The following ANKRD36 variants were observed in gnomAD, a reference collection of about 807,000 sequenced individuals.
ANKRD36 encodes the protein ankyrin repeat domain-containing protein 36A.
ANKRD36 carries 179 observed loss-of-function variants against 278.1 expected under a neutral mutation model. That is an observed-to-expected ratio of 0.64 (90% CI 0.57 to 0.73). The LOEUF is 0.73. Ranked by LOEUF, ANKRD36 falls within the 30% of genes least tolerant of loss-of-function variation. The pLI is 0.00. For missense variants in ANKRD36, 1,159 were observed against 1,956.7 expected (o/e 0.59, Z 7.69); for synonymous variants, 320 against 641.1 (o/e 0.50, Z 7.57).
rs1233115373 is a variant in ANKRD36, at chr2:97,164,187, G to A, written c.1430-96G>A. ...TAATGGGTAACAATTTCAAGGGCAAGCACGAAGATTTCAGCTGGATACAAA... is the reference window on the plus strand; with the variant it reads ...TAATGGGTAACAATTTCAAGGGCAAACACGAAGATTTCAGCTGGATACAAA... On this transcript the variant is annotated intron_variant, in intron 18 of 75. Coordinates refer to ENST00000420699, the MANE Select transcript of ANKRD36 (RefSeq NM_001354587.1). The A allele has an allele frequency of 7.4e-6, 11 of 1,491,880 alleles. No homozygotes were observed. In the East Asian group the frequency reaches 2.7e-4, roughly 37 times the overall value. The allele number at this position is 1,491,880 out of a possible 1,614,324, so 92.4% of individuals were successfully genotyped here. A position where few individuals can be genotyped will look rare whatever the true frequency, so the allele number is the denominator to read the frequency against.
chr2:97,149,207 G>T lies in ANKRD36; in HGVS notation c.1035-88G>T, dbSNP rs546152945. On this transcript the variant is annotated intron_variant, in intron 11 of 75. Transcript: ENST00000420699. ...CAGACTTTGTTTTACCATTTTTTTG[G>T]AGTGGACATACGTGTATAGACTGAC... 356 of 1,032,276 alleles carry T rather than the reference G, an allele frequency of 3.4e-4. 3 individuals carry two copies. Among genetic ancestry groups the T allele is most frequent in the African/African-American group, 8.0e-5 (5 of 62,884 alleles). The allele number at this position is 1,032,276 out of a possible 1,614,324, so 63.9% of individuals were successfully genotyped here. A position where few individuals can be genotyped will look rare whatever the true frequency, so the allele number is the denominator to read the frequency against.
chr2:97,203,961 C>A, intron 48 of ANKRD36, 107 bp from the exon 49 acceptor site: 4 of 1,486,522 alleles, frequency 2.7e-6, no homozygotes, highest in Non-Finnish European at 3.6e-6. Context: ...TCAAAGCATA[C>A]GCTAATACAG....
At chr2:97,203,954 A>G (rs1454997528) in intron 48 of ANKRD36, 114 bp from the exon 49 acceptor site, 6 of 1,469,994 alleles carry the variant, frequency 4.1e-6, no homozygotes, top group Non-Finnish European at 5.5e-6. Context: ...GAAGCCATCA[A>G]AGCATACGCT....
At chr2:97,183,358 T>C (rs2056700709) in intron 26 of ANKRD36, 101 bp from the exon 27 acceptor site, 1 of 1,362,026 alleles carries the variant, frequency 7.3e-7, no homozygotes, top group Non-Finnish European at 9.9e-7. Flanking sequence ...CCTACACTAG[T>C]GCAGGCAGGA....
chr2:97,179,968 A>G (rs767616275), intron 24 of ANKRD36, 35 bp downstream of exon 24: 7 of 1,601,902 alleles, frequency 4.4e-6, no homozygotes, highest in Non-Finnish European at 3.4e-6. Flanking sequence ...GTCATGTTCA[A>G]TCAAGATGGA....
intron 68 of ANKRD36, among the ~76,000 whole-genome samples, chr2:97,240,982 G>GTTTTTTTTTTTTTTTTTTTTTTTT (rs763385352): frequency 1.9e-5 from 1 of 52,986 alleles, no homozygotes; most frequent in Non-Finnish European, 3.2e-5. Flanking sequence ...ACATAACTAT[G>GTTTTTTTTTTTTTTTTTTTTTTTT]TTTTTTTTTT....
intron 36 of ANKRD36, 24 bp from the exon 37 acceptor site, chr2:97,192,834 T>C (rs762165779): frequency 2.9e-5 from 46 of 1,596,962 alleles, no homozygotes; most frequent in Middle Eastern, 4.5e-4. Context: ...ATATGAGTGA[T>C]TATGTATCCC....
intron 1 of ANKRD36, among the ~76,000 whole-genome samples, chr2:97,114,175 G>A (rs2034494341): frequency 9.8e-6 from 1 of 102,530 alleles, no homozygotes; most frequent in Non-Finnish European, 2.0e-5. Flanking sequence ...TGCATGGGGT[G>A]GGGGCGTGAA....
At chr2:97,164,144 G>A (rs1179967160) in intron 18 of ANKRD36, 139 bp from the exon 19 acceptor site, 60 of 1,481,148 alleles carry the variant, frequency 4.1e-5, no homozygotes, top group Non-Finnish European at 5.1e-5. Flanking sequence ...CAAAACAAGA[G>A]CAAAGCAACC....
intron 52 of ANKRD36, 75 bp from the exon 53 acceptor site, chr2:97,207,736 C>G (rs1359019698): frequency 8.4e-6 from 13 of 1,539,540 alleles, no homozygotes; most frequent in Non-Finnish European, 1.1e-5. Flanking sequence ...GAGGTTGATG[C>G]TAACACTGTA....
intron 67 of ANKRD36, among the ~76,000 whole-genome samples, chr2:97,227,327 G>A (rs1260769111): frequency 6.6e-6 from 1 of 152,092 alleles, no homozygotes; most frequent in Non-Finnish European, 1.5e-5. Flanking sequence ...AGTTCTCCTT[G>A]AAGAGGTCCT....
chr2:97,182,777 T>C (rs1483596657), intron 26 of ANKRD36, among the ~76,000 whole-genome samples: 3 of 151,562 alleles, frequency 2.0e-5, no homozygotes, highest in Non-Finnish European at 2.9e-5. Context: ...TTTGATAAGG[T>C]TTATGTATTA....
At chr2:97,213,245 C>G (rs1318960993) in intron 58 of ANKRD36, 174 bp from the exon 59 acceptor site, 1 of 237,472 alleles carries the variant, frequency 4.2e-6, no homozygotes, top group African/African-American at 2.7e-5. Context: ...AGCCTGTATT[C>G]ACCTTTTTCA....
chr2:97,241,001 T>G (rs1344945495), intron 68 of ANKRD36, among the ~76,000 whole-genome samples: 4 of 145,056 alleles, frequency 2.8e-5, no homozygotes, highest in Non-Finnish European at 6.0e-5. Flanking sequence ...TTTTTTTTTT[T>G]TTTTTTTTTT....
Position 97,206,092 on chromosome 2 carries a change from G to A in ANKRD36, c.3120G>A (p.Leu1040=), listed in dbSNP as rs1291393526. The A allele has an allele frequency of 1.0e-5, 16 of 1,549,894 alleles. No homozygotes were observed. Among genetic ancestry groups the A allele is most frequent in the Non-Finnish European group, 1.4e-5 (16 of 1,149,274 alleles). ...KATSDEEDSV[L]SIARENKDGE... Reference sequence around the variant, plus strand: ...CAAGTGATGAGGAAGATTCTGTTTTGAGTATAGCCAGAGAAAACAAGGATG... The same window carrying A: ...CAAGTGATGAGGAAGATTCTGTTTTAAGTATAGCCAGAGAAAACAAGGATG... The change falls in exon 52 of 76, where the codon TTG becomes TTA. Residue 1040 remains leucine (L), a synonymous_variant. Coordinates refer to ENST00000420699, the MANE Select transcript of ANKRD36 (RefSeq NM_001354587.1).
chr2:97,132,916 A>G (rs1453511837), intron 6 of ANKRD36, among the ~76,000 whole-genome samples: 8 of 152,090 alleles, frequency 5.3e-5, no homozygotes, highest in Admixed American at 5.3e-4. Context: ...AGACTTACAC[A>G]GTATCCAAGG....
chr2:97,179,090 A>T (rs1214363727), intron 22 of ANKRD36, among the ~76,000 whole-genome samples: 1 of 151,554 alleles, frequency 6.6e-6, no homozygotes, highest in Non-Finnish European at 1.5e-5. Flanking sequence ...CAATGAGTGG[A>T]TGAAGGAACT....
chr2:97,215,557 C>T (rs754726375), intron 62 of ANKRD36, 60 bp downstream of exon 62: 1 of 1,597,862 alleles, frequency 6.3e-7, no homozygotes, highest in East Asian at 2.3e-5. Flanking sequence ...ATTCACTTCC[C>T]TAAATAAATC....
At chr2:97,122,848 G>A in intron 3 of ANKRD36, 39 bp from the exon 4 acceptor site, 1 of 1,505,764 alleles carries the variant, frequency 6.6e-7, no homozygotes, top group Non-Finnish European at 8.9e-7. Context: ...TGATAAATAT[G>A]TAATTTTGTG....
Sources: gnomAD v4.1 joint callset for allele counts (sites outside exome capture counted in the v4.1 genomes callset) on GRCh38, gnomAD v4.1.1 for gene constraint, MANE v1.5 for transcripts, NCBI Gene and HGNC (gene_info 2026-07-23, HGNC 2026-07-21) for gene names.